The following REEP6 variants were observed in gnomAD, a reference collection of about 807,000 sequenced individuals.
REEP6 encodes receptor expression-enhancing protein 6.
Under a neutral mutation model 22.4 loss-of-function variants are expected in REEP6, and 19 were observed. That is an observed-to-expected ratio of 0.85 (90% CI 0.59 to 1.25). REEP6 has a LOEUF of 1.25. REEP6 is among the 50% of genes most tolerant of loss of function. The probability of loss-of-function intolerance (pLI) is 0.00; values close to 1 mark genes in which losing one functional copy is unlikely to be tolerated. For synonymous variants in REEP6, 121 were observed against 113.6 expected (o/e 1.06, Z -0.41); for missense variants, 273 against 251.9 (o/e 1.08, Z -0.57).
At chr19:1,492,338 G>T (rs999551251) in intron 1 of REEP6, among the ~76,000 whole-genome samples, 4 of 152,064 alleles carry the variant, frequency 2.6e-5, no homozygotes, top group Non-Finnish European at 5.9e-5. Context: ...TGTTGGCCAG[G>T]CTGGTCTTGA....
intron 1 of REEP6, among the ~76,000 whole-genome samples, chr19:1,494,239 G>A (rs1158584956): frequency 6.6e-6 from 1 of 152,130 alleles, no homozygotes; most frequent in Non-Finnish European, 1.5e-5. Flanking sequence ...CCCGACCAAA[G>A]GGCTCTCCTC....
chr19:1,493,744 A>ACACACACACAC (rs2084984563), intron 1 of REEP6, among the ~76,000 whole-genome samples: 1 of 10,768 alleles, frequency 9.3e-5, no homozygotes, highest in African/African-American at 2.4e-4. Context: ...TTTTTCTCTG[A>ACACACACACAC]ACACCCTCCT....
At chr19:1,496,519 C>T (rs1329685259) in intron 4 of REEP6, 66 bp downstream of exon 4, 2 of 1,564,634 alleles carry the variant, frequency 1.3e-6, no homozygotes, top group Admixed American at 3.5e-5. Context: ...CTCTCTCCAC[C>T]TTGCCTCCCT....
intron 3 of REEP6, 190 bp downstream of exon 3, chr19:1,495,797 A>T: frequency 2.8e-6 from 2 of 711,646 alleles, no homozygotes; most frequent in Non-Finnish European, 4.6e-6. Context: ...AGGGTGTCTG[A>T]TGGTGGAGAC....
intron 1 of REEP6, among the ~76,000 whole-genome samples, chr19:1,492,316 G>A (rs947188709): frequency 3.3e-5 from 5 of 151,900 alleles, no homozygotes; most frequent in Admixed American, 6.6e-5. Context: ...ATGGTGAAAC[G>A]GGGTTTCACC....
At chr19:1,496,702 G>A (rs766743295) in intron 4 of REEP6, 13 of 574,466 alleles carry the variant, frequency 2.3e-5, no homozygotes, top group South Asian at 2.1e-4. Flanking sequence ...GATAGGAGCT[G>A]TGTGTGTGTG....
chr19:1,494,313 G>T (rs2084988318), intron 1 of REEP6, among the ~76,000 whole-genome samples: 3 of 152,128 alleles, frequency 2.0e-5, no homozygotes, highest in Admixed American at 2.0e-4. Flanking sequence ...AAAGGGGGTA[G>T]CCCTGCCCCC....
At chr19:1,494,208 G>C (rs956226814) in intron 1 of REEP6, among the ~76,000 whole-genome samples, 1 of 152,206 alleles carries the variant, frequency 6.6e-6, no homozygotes, top group South Asian at 2.1e-4. Context: ...GCCTCACTCA[G>C]TGCCGGCTGG....
At position 1,497,846 on chromosome 19, in the gene REEP6, C is replaced by G. The variant is rs530966737; in HGVS notation, c.*635C>G. On this transcript the variant is annotated 3_prime_UTR_variant, in exon 5 of 5. Transcript: ENST00000233596. The surrounding 1 kb of genome is among the most constrained non-coding windows in gnomAD (Gnocchi z 6.5). ...AGATCACCTGCAGCTGGCCACACCA[C>G]AGGCCCCCGTGCCTGCAGCACTACT... is the stretch of plus-strand genomic sequence containing the variant. The G allele has an allele frequency of 1.1e-5, 5 of 470,628 alleles. No individual in the cohort carries two copies. Among genetic ancestry groups the G allele is most frequent in the South Asian group, 7.7e-5 (5 of 64,556 alleles). 29.2% of individuals were successfully genotyped at this position (470,628 alleles called of 1,614,324 possible).
At position 1,497,263 on chromosome 19, in the gene REEP6, C is replaced by T. The variant is rs759844964; in HGVS notation, c.*52C>T. The T allele has an allele frequency of 2.9e-5, 43 of 1,489,032 alleles. No homozygotes were observed. Among genetic ancestry groups the T allele is most frequent in the African/African-American group, 1.9e-4 (14 of 72,036 alleles). 92.2% of individuals were successfully genotyped at this position (1,489,032 alleles called of 1,614,324 possible). On this transcript the variant is annotated 3_prime_UTR_variant, in exon 5 of 5. Coordinates refer to ENST00000233596, the MANE Select transcript of REEP6 (RefSeq NM_138393.4). The surrounding 1 kb of genome is among the most constrained non-coding windows in gnomAD (Gnocchi z 6.5). ...CTCCTGGCTGGTGAGGAGGGGGCCG[C>T]GCCAGGCTCCCAGGCCTCCACAGAG...
chr19:1,491,433 TG>T lies in REEP6; in HGVS notation c.115+52del. 1.6e-6 allele frequency: 2 copies of T among 1,287,286 alleles called. No homozygotes were observed. Among genetic ancestry groups the T allele is most frequent in the South Asian group, 1.8e-5 (1 of 57,138 alleles). 79.7% of individuals were successfully genotyped at this position (1,287,286 alleles called of 1,614,324 possible). Reference sequence around the variant, plus strand: ...TTCGCCGACGGGCACACCGAGGCCATGGGCCTGGGGGTCGCAGACCGGACTC... The same window carrying T: ...TTCGCCGACGGGCACACCGAGGCCATGGCCTGGGGGTCGCAGACCGGACTC... On this transcript the variant is annotated intron_variant, in intron 1 of 4. Coordinates refer to ENST00000233596, the MANE Select transcript of REEP6 (RefSeq NM_138393.4). The surrounding 1 kb of genome is among the most constrained non-coding windows in gnomAD (Gnocchi z 5.4).
chr19:1,491,303 C>A lies in REEP6; in HGVS notation c.34C>A (p.Leu12Met). The A allele has an allele frequency of 1.4e-6, 2 of 1,476,098 alleles. No homozygotes were observed. Among genetic ancestry groups the A allele is most frequent in the Non-Finnish European group, 9.0e-7 (1 of 1,115,074 alleles). The allele number at this position is 1,476,098 out of a possible 1,614,324, so 91.4% of individuals were successfully genotyped here. A position where few individuals can be genotyped will look rare whatever the true frequency, so the allele number is the denominator to read the frequency against. ...DGLRQRVEHF[L>M]EQRNLVTEVL... is the part of the protein sequence containing the mutation. ...CCTGAGGCAGCGCGTGGAGCACTTC[C>A]TGGAGCAAAGGAACCTGGTCACCGA... Residue 12 changes from leucine (L) to methionine (M), a missense_variant, in exon 1 of 5, where the codon CTG becomes ATG. Coordinates refer to ENST00000233596, the MANE Select transcript of REEP6 (RefSeq NM_138393.4). This position sits in a 1 kb window ranked among gnomAD's most constrained non-coding sequence, Gnocchi z 5.4.
In REEP6 at chr19:1,495,654, G is replaced by C. The variant is rs754652239; in HGVS notation, c.348+47G>C. 20 of 1,611,122 alleles carry C rather than the reference G, an allele frequency of 1.2e-5. No homozygotes were observed. In the South Asian group the frequency reaches 1.5e-4, roughly 12 times the overall value. ...ACAGCCGTGGAGCGCATGGGGCTTG[G>C]GGATTCCTGGGAGGCGCTGGGGCCA... On this transcript the variant is annotated intron_variant, in intron 3 of 4. Coordinates refer to ENST00000233596, the MANE Select transcript of REEP6 (RefSeq NM_138393.4).
chr19:1,496,020 A>G (rs942721077), intron 3 of REEP6: 1 of 546,796 alleles, frequency 1.8e-6, no homozygotes, highest in South Asian at 2.4e-5. Flanking sequence ...GCCCACCCCT[A>G]AAGTGTGTCT....
chr19:1,496,520 T>C, intron 4 of REEP6, 67 bp downstream of exon 4: 1 of 1,556,874 alleles, frequency 6.4e-7, no homozygotes, highest in East Asian at 2.3e-5. Context: ...TCTCTCCACC[T>C]TGCCTCCCTT....
intron 1 of REEP6, 36 bp from the exon 2 acceptor site, chr19:1,495,257 TC>T: frequency 1.3e-6 from 2 of 1,598,684 alleles, no homozygotes; most frequent in Non-Finnish European, 1.7e-6. Context: ...GCTCAGCGGG[TC>T]CCCAGCCCTG....
intron 1 of REEP6, among the ~76,000 whole-genome samples, 182 bp from the exon 2 acceptor site, chr19:1,495,112 C>T (rs182712180): frequency 1.8e-4 from 27 of 152,350 alleles, no homozygotes; most frequent in African/African-American, 5.8e-4. Flanking sequence ...AGGCACAAGG[C>T]TCAGGGCCTA....
Position 1,495,481 on chromosome 19 carries a change from C to G in REEP6, c.222C>G (p.Ile74Met), listed in dbSNP as rs766772230. The change falls in exon 3 of 5, where the codon ATC (isoleucine) becomes ATG (methionine). Residue 74 changes from isoleucine to methionine, a missense_variant. Physicochemically the swap from Ile to Met is conservative, Grantham distance 10. Transcript: ENST00000233596. ...ACCCTCCCTGCAGAATCAAAGCTAT[C>G]GAGAGCCCAAGCAAGGACGACGACA... ...VYPAYASIKA[I>M]ESPSKDDDTV... 7.4e-6 allele frequency: 12 copies of G among 1,613,942 alleles called. No homozygotes were observed. The highest frequency in any genetic ancestry group is 1.1e-5 in the South Asian group (1 of 91,090).
At chr19:1,496,725 C>T (rs1206843986) in intron 4 of REEP6, 29 of 652,662 alleles carry the variant, frequency 4.4e-5, no homozygotes, top group African/African-American at 4.1e-4. Flanking sequence ...TGTGCGCGCG[C>T]GCGCGCGTGT....
Sources: allele counts gnomAD v4.1 joint callset (sites outside exome capture counted in the v4.1 genomes callset), GRCh38; gene constraint gnomAD v4.1.1; non-coding constraint Gnocchi (gnomAD v3.1); transcripts MANE v1.5; gene names NCBI Gene and HGNC (gene_info 2026-07-23, HGNC 2026-07-21).